The following GLI4 variants were observed in gnomAD, a reference collection of about 807,000 sequenced individuals.
GLI4 encodes the protein zinc finger protein GLI4.
A neutral mutation model predicts 30.9 loss-of-function variants in GLI4; 34 were observed. The ratio of observed to expected loss-of-function variants is 1.10; its 90% CI spans 0.84 to 1.47. The LOEUF (loss-of-function observed/expected upper bound fraction) is 1.47. Among genes scored for constraint, GLI4 ranks in the 40% most tolerant of loss-of-function variants. The pLI is 0.00. For missense variants in GLI4, 696 were observed against 538.9 expected (o/e 1.29, Z -2.89); for synonymous variants, 277 against 236.7 (o/e 1.17, Z -1.56).
chr8:143,274,863 A>G (rs1815350157), intron 3 of GLI4, 61 bp downstream of exon 3: 13 of 1,513,850 alleles, frequency 8.6e-6, no homozygotes, highest in Admixed American at 2.0e-5. Context: ...GGCTCCTCAC[A>G]ATGCCCACCT....
chr8:143,275,043 G>T (rs3817675), intron 3 of GLI4: 12 of 1,530,894 alleles, frequency 7.8e-6, no homozygotes, highest in South Asian at 6.0e-5. Flanking sequence ...GTGGCCCCAC[G>T]TGGACTCCTG....
chr8:143,273,936 G>A (rs1192457864), intron 2 of GLI4, among the ~76,000 whole-genome samples: 2 of 152,168 alleles, frequency 1.3e-5, no homozygotes, highest in African/African-American at 4.8e-5. Context: ...GGGGCCTGGT[G>A]CCCCTGCTGG....
At chr8:143,267,806 G>A in intron 1 of GLI4, 1 of 985,374 alleles carries the variant, frequency 1.0e-6, no homozygotes, top group South Asian at 4.7e-5. Flanking sequence ...CGGAGGTCCC[G>A]CCGCTCCGGA....
At chr8:143,270,243 G>T (rs1363195157) in intron 2 of GLI4, among the ~76,000 whole-genome samples, 1 of 152,252 alleles carries the variant, frequency 6.6e-6, no homozygotes, top group Non-Finnish European at 1.5e-5. Flanking sequence ...TCTCCCTCTT[G>T]GGGAGTCAGA....
chr8:143,267,962 C>A, intron 1 of GLI4: 2 of 985,454 alleles, frequency 2.0e-6, no homozygotes, highest in South Asian at 9.4e-5. Context: ...TGCCCTTCCC[C>A]CTTCAGTCTG....
rs1230821122 is a variant in GLI4 at position 143,276,050 on chromosome 8, C to G, written c.377C>G (p.Pro126Arg). The change falls in exon 4 of 4, where the codon CCG becomes CGG. Residue 126 changes from proline (P) to arginine (R), a missense_variant. Transcript: ENST00000340042. ...GGGCCTGAATCCAGCGCGGAGCGGC[C>G]GGCGGGCCAGCCGCCTGGGGCCGTC... ...GFGPESSAER[P>R]AGQPPGAVPC... The G allele has an allele frequency of 1.5e-6, 2 of 1,364,518 alleles. No individual in the cohort carries two copies. Among genetic ancestry groups the G allele is most frequent in the Admixed American group, 3.6e-5 (1 of 27,808 alleles). The allele number at this position is 1,364,518 out of a possible 1,614,324, so 84.5% of individuals were successfully genotyped here. A position where few individuals can be genotyped will look rare whatever the true frequency, so the allele number is the denominator to read the frequency against.
chr8:143,275,838 C>T, intron 3 of GLI4, 59 bp from the exon 4 acceptor site: 4 of 1,254,952 alleles, frequency 3.2e-6, no homozygotes, highest in Non-Finnish European at 3.0e-6. Context: ...CGTCCCCGTC[C>T]CTCCGTGCCA....
rs1740228857 is a variant in GLI4 at position 143,276,907 on chromosome 8, A to C, written c.*103A>C. On this transcript the variant is annotated 3_prime_UTR_variant, in exon 4 of 4. Coordinates refer to ENST00000340042, the MANE Select transcript of GLI4 (RefSeq NM_138465.4). Reference sequence around the variant, plus strand: ...CCAGCACCGCATGCCACGTGTCCGGAATAAATTCTTTTTGATTGTTGGAAG... The same window carrying C: ...CCAGCACCGCATGCCACGTGTCCGGCATAAATTCTTTTTGATTGTTGGAAG... 1 of 752,900 alleles carries C rather than the reference A, an allele frequency of 1.3e-6. No homozygotes were observed. Among genetic ancestry groups the C allele is most frequent in the Non-Finnish European group, 2.1e-6 (1 of 476,422 alleles). 46.6% of individuals were successfully genotyped at this position (752,900 alleles called of 1,614,324 possible).
At chr8:143,271,015 A>G (rs57904355) in intron 2 of GLI4, among the ~76,000 whole-genome samples, 2,129 of 152,104 alleles carry the variant, frequency 0.014, 64 homozygotes, top group African/African-American at 0.049. Flanking sequence ...AGCTGTGGGC[A>G]GCCAGGCCCA....
At chr8:143,275,291 T>C in intron 3 of GLI4, 5 of 1,486,578 alleles carry the variant, frequency 3.4e-6, no homozygotes, top group Non-Finnish European at 3.6e-6. Context: ...GTTAGTGATA[T>C]GGCTGGATTT....
At chr8:143,275,170 C>A in intron 3 of GLI4, 1 of 1,535,806 alleles carries the variant, frequency 6.5e-7, no homozygotes, top group South Asian at 1.2e-5. Flanking sequence ...TATCCTGTGT[C>A]CCCTCCTCCT....
chr8:143,271,999 T>A (rs563616018), intron 2 of GLI4, among the ~76,000 whole-genome samples: 9 of 152,294 alleles, frequency 5.9e-5, no homozygotes, highest in Admixed American at 4.6e-4. Context: ...CCCACACAGC[T>A]TCTCAGGGAT....
Position 143,276,059 on chromosome 8 carries a change from A to G in GLI4, c.386A>G (p.Gln129Arg). Residue 129 changes from glutamine to arginine, a missense_variant, in exon 4 of 4, where the codon CAG becomes CGG. Coordinates refer to ENST00000340042, the MANE Select transcript of GLI4 (RefSeq NM_138465.4). ...TCCAGCGCGGAGCGGCCGGCGGGCC[A>G]GCCGCCTGGGGCCGTCCCTTGCGCC... ...PESSAERPAGQPPGAVPCAQP... is the reference protein window; with the variant it reads ...PESSAERPAGRPPGAVPCAQP... 2.2e-6 allele frequency: 3 copies of G among 1,361,634 alleles called. No individual in the cohort carries two copies. The highest frequency in any genetic ancestry group is 2.8e-6 in the Non-Finnish European group (3 of 1,063,908). 84.3% of individuals were successfully genotyped at this position (1,361,634 alleles called of 1,614,324 possible). A position where few individuals can be genotyped will look rare whatever the true frequency, so the allele number is the denominator to read the frequency against.
Position 143,276,462 on chromosome 8 carries a change from C to T in GLI4, c.789C>T (p.Gly263=). The T allele has an allele frequency of 6.2e-7, 1 of 1,613,056 alleles. No homozygotes were observed. The highest frequency in any genetic ancestry group is 1.1e-5 in the South Asian group (1 of 91,056). The change falls in exon 4 of 4, where the codon GGC becomes GGT. Residue 263 remains glycine (G), a synonymous_variant. Transcript: ENST00000340042. Reference sequence around the variant, plus strand: ...CGCAGCACCTGCGCATCCACAACGGCGAGAAGCCCTACAAGTGCGGCGAGT... The same window carrying T: ...CGCAGCACCTGCGCATCCACAACGGTGAGAAGCCCTACAAGTGCGGCGAGT... ...HFTQHLRIHN[G]EKPYKCGECG...
intron 3 of GLI4, chr8:143,275,693 C>T: frequency 8.1e-7 from 1 of 1,241,432 alleles, no homozygotes; most frequent in Non-Finnish European, 1.0e-6. Flanking sequence ...CCTGCAACGC[C>T]CCCCACCCCT....
At chr8:143,272,209 G>A (rs2129675353) in intron 2 of GLI4, among the ~76,000 whole-genome samples, 1 of 152,258 alleles carries the variant, frequency 6.6e-6, no homozygotes, top group African/African-American at 2.4e-5. Flanking sequence ...CCATGGGCAG[G>A]GCAGGGCCAC....
At chr8:143,275,204 C>T (rs747774412) in intron 3 of GLI4, 13 of 1,535,496 alleles carry the variant, frequency 8.5e-6, no homozygotes, top group Non-Finnish European at 1.1e-5. Context: ...GATGGCCTCC[C>T]CTCAGCCTGG....
chr8:143,272,430 C>T (rs1016540193), intron 2 of GLI4: 3 of 152,434 alleles, frequency 2.0e-5, no homozygotes, highest in African/African-American at 7.2e-5. Context: ...TGTCCCCAGA[C>T]GTGTACAGCC....
At chr8:143,275,851 G>T in intron 3 of GLI4, 46 bp from the exon 4 acceptor site, 1 of 1,257,148 alleles carries the variant, frequency 8.0e-7, no homozygotes, top group Non-Finnish European at 1.0e-6. Flanking sequence ...CCGTGCCACG[G>T]TGGGGGCATG....
Sources: allele counts gnomAD v4.1 joint callset (sites outside exome capture counted in the v4.1 genomes callset), GRCh38; gene constraint gnomAD v4.1.1; transcripts MANE v1.5; gene names NCBI Gene and HGNC (gene_info 2026-07-23, HGNC 2026-07-21).